FAM169A: variants seen among roughly 807,000 people sequenced by gnomAD.
FAM169A encodes family with sequence similarity 169 member A, also known as soluble lamin-associated protein of 75 kDa.
A neutral mutation model predicts 75.7 loss-of-function variants in FAM169A; 24 were observed. That is an observed-to-expected ratio of 0.32 (90% CI 0.23 to 0.45). The LOEUF (loss-of-function observed/expected upper bound fraction) is 0.45. Ranked by LOEUF, FAM169A falls within the 20% of genes least tolerant of loss-of-function variation. The pLI is 1.00. For missense variants in FAM169A, 673 were observed against 784.0 expected (o/e 0.86, Z 1.69); for synonymous variants, 271 against 271.0 (o/e 1.00, Z 0.00).
chr5:74,796,952 C>T (rs1484965701), intron 10 of FAM169A, among the ~76,000 whole-genome samples: 2 of 152,116 alleles, frequency 1.3e-5, no homozygotes, highest in East Asian at 3.9e-4. Flanking sequence ...ACTTTCTATG[C>T]CCATTTTCAC....
intron 11 of FAM169A, among the ~76,000 whole-genome samples, chr5:74,793,153 C>T (rs113385895): frequency 8.7e-4 from 132 of 152,106 alleles, no homozygotes; most frequent in African/African-American, 2.9e-3. Context: ...GGTGAAACCC[C>T]GTCTCTACTA....
intron 5 of FAM169A, among the ~76,000 whole-genome samples, chr5:74,822,970 T>C (rs73116732): frequency 0.024 from 3,648 of 152,226 alleles, 148 homozygotes; most frequent in African/African-American, 0.084. Context: ...CCTCAGATGT[T>C]CCCTTCTCCA....
At chr5:74,805,995 A>T (rs1450726728) in intron 6 of FAM169A, among the ~76,000 whole-genome samples, 9 of 150,460 alleles carry the variant, frequency 6.0e-5, no homozygotes, top group Non-Finnish European at 8.9e-5. Flanking sequence ...AAAAAAAAAG[A>T]AATAATATTC....
rs771541162 is a variant in FAM169A, at chr5:74,840,065, A to G, written c.232+9T>C. The G allele has an allele frequency of 2.0e-5, 29 of 1,458,654 alleles. No homozygotes were observed. The highest frequency in any genetic ancestry group is 2.7e-5 in the Non-Finnish European group (29 of 1,065,572). The allele number at this position is 1,458,654 out of a possible 1,614,324, so 90.4% of individuals were successfully genotyped here. On this transcript the variant is annotated intron_variant, in intron 3 of 12. Transcript: ENST00000687041. ...TTCCTTAATTTATAAAAATTAAGCAAAAAGAGACCTGTCAGTGAATCTTCA... is the reference window on the plus strand; with the variant it reads ...TTCCTTAATTTATAAAAATTAAGCAGAAAGAGACCTGTCAGTGAATCTTCA...
intron 11 of FAM169A, among the ~76,000 whole-genome samples, chr5:74,792,122 C>T (rs775393118): frequency 1.3e-5 from 2 of 152,006 alleles, no homozygotes; most frequent in Non-Finnish European, 2.9e-5. Flanking sequence ...ATAATTATTA[C>T]CTTATTATTG....
intron 5 of FAM169A, among the ~76,000 whole-genome samples, chr5:74,819,966 A>C (rs551353660): frequency 2.7e-5 from 4 of 149,022 alleles, no homozygotes; most frequent in East Asian, 2.0e-4. Flanking sequence ...AATTCTGTGA[A>C]TGTATTTTTA....
chr5:74,825,927 T>C (rs1748000386), intron 5 of FAM169A, among the ~76,000 whole-genome samples: 1 of 152,174 alleles, frequency 6.6e-6, no homozygotes, highest in South Asian at 2.1e-4. Flanking sequence ...GCCCTTTTAA[T>C]CTGGAAATGT....
intron 6 of FAM169A, among the ~76,000 whole-genome samples, chr5:74,809,927 T>A (rs1403311907): frequency 6.6e-6 from 1 of 152,204 alleles, no homozygotes; most frequent in South Asian, 2.1e-4. Flanking sequence ...CAAATAGTTT[T>A]GCAACTTCTC....
intron 8 of FAM169A, among the ~76,000 whole-genome samples, chr5:74,802,785 C>A (rs909719259): frequency 2.0e-5 from 3 of 152,014 alleles, no homozygotes; most frequent in Admixed American, 6.6e-5. Flanking sequence ...ATTTATAGAA[C>A]AAAAGCAAGG....
intron 1 of FAM169A, among the ~76,000 whole-genome samples, chr5:74,843,166 C>T (rs1748972137): frequency 6.6e-6 from 1 of 152,040 alleles, no homozygotes; most frequent in African/African-American, 2.4e-5. Context: ...AATTCAACAA[C>T]AGAAACAGTA....
intron 5 of FAM169A, among the ~76,000 whole-genome samples, chr5:74,820,583 C>G: frequency 6.6e-6 from 1 of 152,010 alleles, no homozygotes; most frequent in South Asian, 2.1e-4. Flanking sequence ...CAAACATGAT[C>G]ACTTCTTACC....
At chr5:74,864,418 CG>C (rs1206490490) in intron 1 of FAM169A, among the ~76,000 whole-genome samples, 1 of 152,080 alleles carries the variant, frequency 6.6e-6, no homozygotes, top group African/African-American at 2.4e-5. Context: ...TTAGTAGAGA[CG>C]GGGTTTCACC....
intron 10 of FAM169A, among the ~76,000 whole-genome samples, chr5:74,796,562 G>A (rs554235785): frequency 6.6e-6 from 1 of 151,968 alleles, no homozygotes; most frequent in Non-Finnish European, 1.5e-5. Flanking sequence ...CTGCCATCAC[G>A]CTCAGCTAAT....
intron 11 of FAM169A, among the ~76,000 whole-genome samples, chr5:74,790,549 G>A (rs959714122): frequency 6.6e-6 from 1 of 152,240 alleles, no homozygotes; most frequent in Non-Finnish European, 1.5e-5. Flanking sequence ...TATCCCCTGT[G>A]AGTACTCTAC....
chr5:74,860,786 A>G (rs1371500896), intron 1 of FAM169A, among the ~76,000 whole-genome samples: 1 of 150,880 alleles, frequency 6.6e-6, no homozygotes. Flanking sequence ...TCCTCTGCAC[A>G]ATCCATAAAT....
At chr5:74,801,745 T>C in intron 8 of FAM169A, 116 bp from the exon 9 acceptor site, 1 of 746,088 alleles carries the variant, frequency 1.3e-6, no homozygotes, top group Admixed American at 2.4e-5. Flanking sequence ...TAGCACTTTT[T>C]GTTAACAACA....
chr5:74,840,827 TCAAAAAAAAAA>T (rs1448649674), intron 2 of FAM169A, among the ~76,000 whole-genome samples: 1 of 147,732 alleles, frequency 6.8e-6, no homozygotes, highest in African/African-American at 2.5e-5. Context: ...AGACTCCATC[TCAAAAAAAAAA>T]CAAAAAAAAA....
chr5:74,782,036 TA>T (rs1561284011), intron 12 of FAM169A, 28 bp from the exon 13 acceptor site: 1 of 1,552,744 alleles, frequency 6.4e-7, no homozygotes, highest in Admixed American at 1.8e-5. Flanking sequence ...GGTCAACAAA[TA>T]AACTTGTACT....
In FAM169A at chr5:74,822,660, C is replaced by A. The variant is rs560793380; in HGVS notation, c.491-8641G>T. Among the ~76,000 whole-genome samples the A allele has an allele frequency of 2.6e-5, 4 of 152,182 alleles. No individual in the cohort carries two copies. In the East Asian group the frequency reaches 7.7e-4, roughly 29 times the overall value. ...CAACAGTTTTGACTGATCTCATCCA[C>A]GCTGTAAAATTACTTTAAGTATTCT... On this transcript the variant is annotated intron_variant, in intron 5 of 12. Transcript: ENST00000687041.
Sources: gnomAD v4.1 joint callset for allele counts (sites outside exome capture counted in the v4.1 genomes callset) on GRCh38, gnomAD v4.1.1 for gene constraint, MANE v1.5 for transcripts, NCBI Gene and HGNC (gene_info 2026-07-23, HGNC 2026-07-21) for gene names.